The following NTM variants were observed in gnomAD, a reference collection of about 807,000 sequenced individuals.
NTM encodes neurotrimin.
Under a neutral mutation model 42.1 loss-of-function variants are expected in NTM, and 13 were observed. The ratio of observed to expected loss-of-function variants is 0.31; its 90% CI spans 0.20 to 0.49. NTM has a LOEUF of 0.49. NTM is among the 20% of genes least tolerant of loss of function. The pLI is 0.99. For missense variants in NTM, 373 were observed against 452.8 expected (o/e 0.82, Z 1.60); for synonymous variants, 187 against 179.2 (o/e 1.04, Z -0.35).
chr11:131,746,929 C>T (rs1038225082), intron 1 of NTM, among the ~76,000 whole-genome samples: 2 of 152,126 alleles, frequency 1.3e-5, no homozygotes, highest in African/African-American at 4.8e-5. Flanking sequence ...TAGTCATAGC[C>T]ATGTTACTTA....
At chr11:131,705,663 A>G (rs1340339427) in intron 1 of NTM, among the ~76,000 whole-genome samples, 2 of 152,202 alleles carry the variant, frequency 1.3e-5, no homozygotes, top group African/African-American at 4.8e-5. Context: ...TAATAAATAC[A>G]CAATATAAAA....
chr11:131,536,604 T>C (rs2052270717), intron 1 of NTM: 1 of 152,212 alleles, frequency 6.6e-6, no homozygotes, highest in African/African-American at 2.4e-5. Flanking sequence ...AATTTAATTC[T>C]CTTTATCAGA....
At chr11:132,041,477 T>C (rs1259397291) in intron 2 of NTM, among the ~76,000 whole-genome samples, 3 of 152,202 alleles carry the variant, frequency 2.0e-5, no homozygotes, top group Non-Finnish European at 4.4e-5. Flanking sequence ...AGAATTAACC[T>C]TAAGCACATT....
At chr11:132,321,103 C>G (rs1174907095) in intron 7 of NTM, among the ~76,000 whole-genome samples, 1 of 152,148 alleles carries the variant, frequency 6.6e-6, no homozygotes, top group Non-Finnish European at 1.5e-5. Context: ...ACTGGAAACT[C>G]TAAAAAGCTG....
intron 1 of NTM, among the ~76,000 whole-genome samples, chr11:131,584,662 T>C (rs2058700030): frequency 6.6e-6 from 1 of 152,282 alleles, no homozygotes; most frequent in South Asian, 2.1e-4. Flanking sequence ...AATTTGTTAC[T>C]ACCCCTGGGG....
At chr11:131,797,643 A>T (rs2091714577) in intron 1 of NTM, among the ~76,000 whole-genome samples, 1 of 152,260 alleles carries the variant, frequency 6.6e-6, no homozygotes, top group South Asian at 2.1e-4. Flanking sequence ...GGTAATGTGT[A>T]TAAATCAATA....
chr11:131,911,676 T>G, intron 2 of NTM, 28 bp downstream of exon 2: 2 of 1,613,678 alleles, frequency 1.2e-6, no homozygotes, highest in South Asian at 1.1e-5. Flanking sequence ...TTCTGCGAAC[T>G]GATGGTTTGT....
intron 1 of NTM, among the ~76,000 whole-genome samples, chr11:131,659,612 A>G (rs58405240): frequency 0.027 from 4,043 of 152,354 alleles, 187 homozygotes; most frequent in African/African-American, 0.092. Flanking sequence ...TATATATAGC[A>G]AGAAACATTT....
chr11:132,251,864 G>A (rs1241052831), intron 4 of NTM, among the ~76,000 whole-genome samples: 1 of 152,210 alleles, frequency 6.6e-6, no homozygotes, highest in Non-Finnish European at 1.5e-5. Flanking sequence ...CAAATGTAGG[G>A]CCAGGAAGAG....
At chr11:132,154,419 G>T (rs1183723541) in intron 3 of NTM, among the ~76,000 whole-genome samples, 1 of 152,214 alleles carries the variant, frequency 6.6e-6, no homozygotes, top group African/African-American at 2.4e-5. Context: ...AAAGGGGAAA[G>T]ATTGCCAAAG....
intron 3 of NTM, among the ~76,000 whole-genome samples, chr11:132,181,786 G>A (rs1386222641): frequency 2.0e-5 from 3 of 152,068 alleles, no homozygotes; most frequent in African/African-American, 7.2e-5. Context: ...CAACAGGAGT[G>A]AATTCTAACT....
intron 3 of NTM, among the ~76,000 whole-genome samples, chr11:132,154,076 G>A (rs911356442): frequency 1.3e-5 from 2 of 152,180 alleles, no homozygotes; most frequent in Admixed American, 6.5e-5. Flanking sequence ...GACGAAGAGT[G>A]AGGACGCTAA....
chr11:132,316,351 T>G (rs756653428), intron 7 of NTM, among the ~76,000 whole-genome samples: 7 of 152,224 alleles, frequency 4.6e-5, no homozygotes, highest in Non-Finnish European at 7.3e-5. Flanking sequence ...CAGGCACACA[T>G]GTAGCAATTA....
chr11:132,230,655 A>G (rs754973574), intron 4 of NTM, among the ~76,000 whole-genome samples: 27 of 152,238 alleles, frequency 1.8e-4, no homozygotes, highest in Non-Finnish European at 3.4e-4. Flanking sequence ...AGACCGTGAT[A>G]GGATGTATAT....
intron 1 of NTM, among the ~76,000 whole-genome samples, chr11:131,812,701 C>T (rs2092789587): frequency 1.3e-5 from 2 of 152,100 alleles, no homozygotes; most frequent in African/African-American, 4.8e-5. Flanking sequence ...ACAGGGGTGA[C>T]ATCTCAGGGG....
At chr11:131,403,680 A>T (rs1455472298) in intron 1 of NTM, among the ~76,000 whole-genome samples, 2 of 152,160 alleles carry the variant, frequency 1.3e-5, no homozygotes, top group Non-Finnish European at 2.9e-5. Context: ...TCTAATTCGT[A>T]TCTTCTCCCC....
At chr11:131,591,043 A>T (rs888779151) in intron 1 of NTM, among the ~76,000 whole-genome samples, 2 of 152,196 alleles carry the variant, frequency 1.3e-5, no homozygotes, top group Admixed American at 1.3e-4. Flanking sequence ...ACCAAATGAA[A>T]TCCTTGGGCG....
At chr11:131,644,507 T>G (rs1255803769) in intron 1 of NTM, among the ~76,000 whole-genome samples, 1 of 152,186 alleles carries the variant, frequency 6.6e-6, no homozygotes, top group African/African-American at 2.4e-5. Flanking sequence ...CTACTTAGCC[T>G]GCTCTTGCTG....
intron 1 of NTM, among the ~76,000 whole-genome samples, chr11:131,433,865 G>C (rs931546037): frequency 6.6e-6 from 1 of 152,186 alleles, no homozygotes; most frequent in Admixed American, 6.5e-5. Context: ...TGTTACATAG[G>C]TATACACGTG....
Sources: gnomAD v4.1 joint callset for allele counts (sites outside exome capture counted in the v4.1 genomes callset) on GRCh38, gnomAD v4.1.1 for gene constraint, MANE v1.5 for transcripts, NCBI Gene and HGNC (gene_info 2026-07-23, HGNC 2026-07-21) for gene names.